BTNL8: variants seen among roughly 807,000 people sequenced by gnomAD.
BTNL8 encodes butyrophilin-like protein 8.
A neutral mutation model predicts 36.1 loss-of-function variants in BTNL8; 22 were observed. The observed-to-expected ratio is 0.61, with a 90% CI of 0.44 to 0.87. BTNL8 has a LOEUF of 0.87. Ranked by LOEUF, BTNL8 falls within the 40% of genes least tolerant of loss-of-function variation. BTNL8 has a pLI of 0.00. For synonymous variants in BTNL8, 203 were observed against 235.6 expected (o/e 0.86, Z 1.27); for missense variants, 526 against 616.9 (o/e 0.85, Z 1.56).
At chr5:180,940,715 G>A (rs995629133) in intron 3 of BTNL8, among the ~76,000 whole-genome samples, 1 of 152,002 alleles carries the variant, frequency 6.6e-6, no homozygotes, top group African/African-American at 2.4e-5. Context: ...CCAAAAGGAG[G>A]CATTACAACT....
At chr5:180,947,818 C>T in intron 4 of BTNL8, 193 bp downstream of exon 4, 1 of 1,552,936 alleles carries the variant, frequency 6.4e-7, no homozygotes, top group Non-Finnish European at 8.8e-7. Flanking sequence ...CTACGACAGC[C>T]CCTTGCTACT....
intron 3 of BTNL8, among the ~76,000 whole-genome samples, chr5:180,913,008 G>A (rs2113787932): frequency 6.6e-6 from 1 of 152,302 alleles, no homozygotes; most frequent in African/African-American, 2.4e-5. Context: ...TGTAGCCACA[G>A]GGCTAAGATT....
chr5:180,920,803 G>C (rs967942032), intron 3 of BTNL8, among the ~76,000 whole-genome samples: 1 of 151,936 alleles, frequency 6.6e-6, no homozygotes, highest in African/African-American at 2.4e-5. Flanking sequence ...TTCCCCAAAA[G>C]ACATATAAAT....
intron 3 of BTNL8, among the ~76,000 whole-genome samples, chr5:180,912,633 G>A (rs1376093334): frequency 1.3e-5 from 2 of 152,128 alleles, no homozygotes; most frequent in East Asian, 1.9e-4. Flanking sequence ...GGAGGCTGAG[G>A]TGGGAGGATC....
Position 180,911,435 on chromosome 5 carries a change from C to A in BTNL8, c.494C>A (p.Ala165Glu), listed in dbSNP as rs370167264. The A allele has an allele frequency of 1.2e-6, 2 of 1,614,066 alleles. No individual in the cohort carries two copies. Among genetic ancestry groups the A allele is most frequent in the Non-Finnish European group, 8.5e-7 (1 of 1,180,048 alleles). ...QSSGWFPRPT[A>E]KWKGPQGQDL... is the part of the protein sequence containing the mutation. ...TCGGGCTGGTTCCCCCGGCCCACAGCGAAGTGGAAAGGTCCACAAGGACAG... is the reference window on the plus strand; with the variant it reads ...TCGGGCTGGTTCCCCCGGCCCACAGAGAAGTGGAAAGGTCCACAAGGACAG... Residue 165 changes from alanine (A) to glutamate (E), a missense_variant, in exon 3 of 8, where the codon GCG (alanine) becomes GAG (glutamate). This residue lies in a region of BTNL8 where 350 missense variants were observed against 324.6 expected (regional missense o/e 1.08). Coordinates refer to ENST00000340184, the MANE Select transcript of BTNL8 (RefSeq NM_001040462.3).
In BTNL8 at chr5:180,949,893, C is replaced by T. The variant is rs762205686; in HGVS notation, c.863-11C>T. 2.1e-6 allele frequency: 3 copies of T among 1,448,676 alleles called. No homozygotes were observed. The highest frequency in any genetic ancestry group is 2.8e-5 in the African/African-American group (2 of 71,740). 89.7% of individuals were successfully genotyped at this position (1,448,676 alleles called of 1,614,324 possible). A position where few individuals can be genotyped will look rare whatever the true frequency, so the allele number is the denominator to read the frequency against. ...TAACTCATGCTTCCTCTCTCCCCCA[C>T]CGCACCCCAGTGGAGGTGACTCTGG... On this transcript the variant is annotated splice_polypyrimidine_tract_variant and intron_variant, in intron 7 of 7. Coordinates refer to ENST00000340184, the MANE Select transcript of BTNL8 (RefSeq NM_001040462.3).
intron 3 of BTNL8, among the ~76,000 whole-genome samples, chr5:180,936,346 A>G (rs989120539): frequency 2.2e-4 from 33 of 152,290 alleles, no homozygotes; most frequent in African/African-American, 7.5e-4. Flanking sequence ...AGAAAATCCT[A>G]AAGACTTAGC....
chr5:180,947,314 C>T (rs1374883747), intron 3 of BTNL8, among the ~76,000 whole-genome samples, 198 bp from the exon 4 acceptor site: 2 of 152,164 alleles, frequency 1.3e-5, no homozygotes, highest in African/African-American at 4.8e-5. Flanking sequence ...TTGGCACAGT[C>T]GTTATCTGTT....
intron 3 of BTNL8, among the ~76,000 whole-genome samples, chr5:180,914,615 A>G (rs1385532378): frequency 6.6e-6 from 1 of 152,248 alleles, no homozygotes; most frequent in African/African-American, 2.4e-5. Context: ...ATGATAATTA[A>G]AAGTGTCTTA....
intron 3 of BTNL8, among the ~76,000 whole-genome samples, chr5:180,944,194 GAA>G (rs201623873): frequency 0.016 from 2,429 of 152,348 alleles, 73 homozygotes; most frequent in African/African-American, 0.055. Context: ...GAGGAATGGA[GAA>G]AGACTGGCCA....
chr5:180,908,617 T>A lies in BTNL8; in HGVS notation c.81T>A (p.Pro27=). The change falls in exon 2 of 8, where the codon CCT becomes CCA. Residue 27 remains proline, a synonymous_variant. Transcript: ENST00000340184. ...GGCAGGTGTTTGGGCCAGACAAGCCTGTCCAGGCCTTGGTGGGGGAGGACG... is the reference window on the plus strand; with the variant it reads ...GGCAGGTGTTTGGGCCAGACAAGCCAGTCCAGGCCTTGGTGGGGGAGGACG... ...GQWQVFGPDK[P]VQALVGEDAA... 2 of 1,614,224 alleles carry A rather than the reference T, an allele frequency of 1.2e-6. No homozygotes were observed. Among genetic ancestry groups the A allele is most frequent in the Non-Finnish European group, 1.7e-6 (2 of 1,180,034 alleles).
At chr5:180,906,314 A>C (rs1176350971) in intron 1 of BTNL8, among the ~76,000 whole-genome samples, 1 of 134,922 alleles carries the variant, frequency 7.4e-6, no homozygotes, top group Non-Finnish European at 1.5e-5. Flanking sequence ...GTTGGTTTAA[A>C]GTCTGTTTTA....
At position 180,900,691 on chromosome 5, in the gene BTNL8, C is replaced by T. The variant is rs951611997; in HGVS notation, c.49+1332C>T. Among the ~76,000 whole-genome samples, 17 of 152,154 alleles carry T rather than the reference C, an allele frequency of 1.1e-4. No homozygotes were observed. In the East Asian group the frequency reaches 1.5e-3, roughly 14 times the overall value. Reference sequence around the variant, plus strand: ...GCCTTCCTGCCAGTGATTCGTTGAGCAGGTGATTCTGGGAAACAAAGTGAG... The same window carrying T: ...GCCTTCCTGCCAGTGATTCGTTGAGTAGGTGATTCTGGGAAACAAAGTGAG... On this transcript the variant is annotated intron_variant, in intron 1 of 7. Coordinates refer to ENST00000340184, the MANE Select transcript of BTNL8 (RefSeq NM_001040462.3).
rs1758064992 is a variant in BTNL8 at position 180,925,717 on chromosome 5, TG to T, written c.673+14105del. Reference sequence around the variant, plus strand: ...AAACATATGGAAGTAAAAAACTCACTGGTAAAAATAATATATAGTCATATTC... The same window carrying T: ...AAACATATGGAAGTAAAAAACTCACTGTAAAAATAATATATAGTCATATTC... On this transcript the variant is annotated intron_variant, in intron 3 of 7. Coordinates refer to ENST00000340184, the MANE Select transcript of BTNL8 (RefSeq NM_001040462.3). 2.0e-5 allele frequency among the ~76,000 whole-genome samples: 3 copies of T among 152,288 alleles called. No individual in the cohort carries two copies. In the South Asian group the frequency reaches 6.2e-4, roughly 32 times the overall value.
chr5:180,945,790 G>A lies in BTNL8; in HGVS notation c.674-1722G>A, dbSNP rs1432895883. The A allele has an allele frequency of 7.8e-6, 4 of 511,260 alleles. No individual in the cohort carries two copies. In the Admixed American group the frequency reaches 7.8e-5, roughly 10 times the overall value. 31.7% of individuals were successfully genotyped at this position (511,260 alleles called of 1,614,324 possible). ...CAGCAGCTGTACTGGAGCCACTCATGAAAATTCGGTCAGGGTTCTTGCTCT... is the reference window on the plus strand; with the variant it reads ...CAGCAGCTGTACTGGAGCCACTCATAAAAATTCGGTCAGGGTTCTTGCTCT... On this transcript the variant is annotated intron_variant, in intron 3 of 7. Transcript: ENST00000340184.
intron 3 of BTNL8, among the ~76,000 whole-genome samples, chr5:180,915,961 T>C (rs1757607755): frequency 6.6e-6 from 1 of 152,200 alleles, no homozygotes; most frequent in Non-Finnish European, 1.5e-5. Flanking sequence ...CACTTTATGC[T>C]GCTGTACCAG....
chr5:180,908,005 T>C (rs1221345320), intron 1 of BTNL8, among the ~76,000 whole-genome samples: 1 of 152,242 alleles, frequency 6.6e-6, no homozygotes, highest in Non-Finnish European at 1.5e-5. Flanking sequence ...AGGTGGAGCC[T>C]ACAGAGGCAG....
intron 3 of BTNL8, among the ~76,000 whole-genome samples, chr5:180,925,006 G>C (rs144906415): frequency 0.015 from 2,324 of 152,086 alleles, 37 homozygotes; most frequent in Non-Finnish European, 0.022. Context: ...TACAATAACT[G>C]AACCAAAATA....
chr5:180,933,575 A>T (rs1344341431), intron 3 of BTNL8, among the ~76,000 whole-genome samples: 1 of 152,214 alleles, frequency 6.6e-6, no homozygotes, highest in Non-Finnish European at 1.5e-5. Flanking sequence ...GAATGAAATA[A>T]AAAATATTTT....
Sources: allele counts gnomAD v4.1 joint callset (sites outside exome capture counted in the v4.1 genomes callset), GRCh38; gene constraint gnomAD v4.1.1; regional missense constraint gnomAD v4.1.1; transcripts MANE v1.5; gene names NCBI Gene and HGNC (gene_info 2026-07-23, HGNC 2026-07-21).